The following PRKAG2 variants were observed in gnomAD, a reference collection of about 807,000 sequenced individuals.
PRKAG2 encodes the protein 5'-AMP-activated protein kinase subunit gamma-2.
PRKAG2 carries 26 observed loss-of-function variants against 69.6 expected under a neutral mutation model. The observed-to-expected ratio is 0.37, with a 90% CI of 0.27 to 0.52. The LOEUF (loss-of-function observed/expected upper bound fraction) is 0.52, where lower values mean the gene tolerates loss of function less well. PRKAG2 is among the 20% of genes least tolerant of loss of function. PRKAG2 has a pLI of 0.90. For missense variants in PRKAG2, 557 were observed against 740.0 expected, an observed-to-expected ratio of 0.75 and a Z score of 2.87; for synonymous variants, 293 against 285.0, an observed-to-expected ratio of 1.03 and a Z score of -0.28.
rs775574266 is a variant in PRKAG2 at position 151,572,717 on chromosome 7, T to TA, written c.1006-9dup. On this transcript the variant is annotated splice_polypyrimidine_tract_variant and intron_variant, in intron 8 of 15. Transcript: ENST00000287878. ...TAATTCATAAATCTGTACCTGCAAA[T>TA]AAAAAAATTCTTATTTATAAATATA... The TA allele has an allele frequency of 7.8e-6, 12 of 1,547,106 alleles. No homozygotes were observed. Among genetic ancestry groups the TA allele is most frequent in the Admixed American group, 5.1e-5 (3 of 58,384 alleles).
intron 5 of PRKAG2, among the ~76,000 whole-genome samples, chr7:151,617,405 G>A (rs1820443200): frequency 1.3e-5 from 2 of 152,040 alleles, no homozygotes; most frequent in South Asian, 2.1e-4. Flanking sequence ...GGGTGAGGGT[G>A]TTGATGAAAC....
intron 6 of PRKAG2, among the ~76,000 whole-genome samples, chr7:151,577,103 A>C (rs952512205): frequency 6.6e-6 from 1 of 152,166 alleles, no homozygotes; most frequent in Non-Finnish European, 1.5e-5. Flanking sequence ...TTATTAATTC[A>C]TCTGAAAACA....
At chr7:151,663,090 CA>C (rs1016790235) in intron 4 of PRKAG2, among the ~76,000 whole-genome samples, 1 of 151,640 alleles carries the variant, frequency 6.6e-6, no homozygotes, top group African/African-American at 2.4e-5. Context: ...CAAAACAAAA[CA>C]AAAAAACGAC....
At chr7:151,610,376 AC>A (rs1331220428) in intron 5 of PRKAG2, among the ~76,000 whole-genome samples, 2 of 150,944 alleles carry the variant, frequency 1.3e-5, no homozygotes, top group South Asian at 2.1e-4. Context: ...TTCAAAACAA[AC>A]AAACAAACAT....
intron 5 of PRKAG2, among the ~76,000 whole-genome samples, chr7:151,600,561 T>C (rs1242561514): frequency 6.6e-6 from 1 of 152,170 alleles, no homozygotes; most frequent in Non-Finnish European, 1.5e-5. Context: ...TCCTGGATAT[T>C]TCTCTCTCAA....
At chr7:151,587,483 T>C (rs1811976113) in intron 6 of PRKAG2, among the ~76,000 whole-genome samples, 1 of 152,018 alleles carries the variant, frequency 6.6e-6, no homozygotes, top group Non-Finnish European at 1.5e-5. Flanking sequence ...GGAAGAAGAA[T>C]CATCTCATGG....
intron 14 of PRKAG2, among the ~76,000 whole-genome samples, chr7:151,562,022 G>A (rs1454461707): frequency 4.7e-5 from 7 of 150,512 alleles, no homozygotes; most frequent in Admixed American, 1.3e-4. Flanking sequence ...TGAGGTGGGC[G>A]GATCACAAGA....
At chr7:151,575,215 T>C (rs566949221) in intron 7 of PRKAG2, among the ~76,000 whole-genome samples, 1 of 152,222 alleles carries the variant, frequency 6.6e-6, no homozygotes, top group South Asian at 2.1e-4. Context: ...AGAAAACTCA[T>C]TAATTGATAC....
chr7:151,561,924 CTG>C (rs1453956214), intron 14 of PRKAG2, among the ~76,000 whole-genome samples: 4 of 120,202 alleles, frequency 3.3e-5, no homozygotes, highest in Admixed American at 9.5e-5. Flanking sequence ...CAGAGCGAGA[CTG>C]TGTCTTAAAA....
intron 6 of PRKAG2, among the ~76,000 whole-genome samples, chr7:151,584,512 A>G (rs1811193552): frequency 1.3e-5 from 2 of 152,226 alleles, no homozygotes; most frequent in Admixed American, 6.5e-5. Flanking sequence ...ATGAAAAGAA[A>G]AATTGAAAAA....
At chr7:151,730,776 G>T (rs953378282) in intron 3 of PRKAG2, among the ~76,000 whole-genome samples, 39 of 152,198 alleles carry the variant, frequency 2.6e-4, no homozygotes, top group African/African-American at 8.4e-4. Flanking sequence ...TCAGCCAAGG[G>T]CAGGAGAGCC....
intron 4 of PRKAG2, among the ~76,000 whole-genome samples, chr7:151,635,998 G>A (rs1044161110): frequency 6.6e-6 from 1 of 151,476 alleles, no homozygotes; most frequent in Admixed American, 6.6e-5. Flanking sequence ...CTCCGGAGTA[G>A]CTAGGACTAC....
chr7:151,611,605 G>C (rs997174654), intron 5 of PRKAG2, among the ~76,000 whole-genome samples: 1 of 152,302 alleles, frequency 6.6e-6, no homozygotes, highest in Non-Finnish European at 1.5e-5. Context: ...CGTGGATCCA[G>C]CAGAGCCGAG....
intron 5 of PRKAG2, among the ~76,000 whole-genome samples, chr7:151,607,501 T>C (rs1233023469): frequency 6.6e-6 from 1 of 152,142 alleles, no homozygotes; most frequent in Non-Finnish European, 1.5e-5. Flanking sequence ...GGTCTTGCAC[T>C]TTTGGCCTCA....
At chr7:151,611,929 C>T (rs1818969210) in intron 5 of PRKAG2, among the ~76,000 whole-genome samples, 1 of 152,068 alleles carries the variant, frequency 6.6e-6, no homozygotes, top group South Asian at 2.1e-4. Flanking sequence ...CCTGTGGTCC[C>T]AGCTACTCGA....
chr7:151,711,956 C>T (rs1795386135), intron 3 of PRKAG2, among the ~76,000 whole-genome samples: 1 of 152,214 alleles, frequency 6.6e-6, no homozygotes, highest in Admixed American at 6.5e-5. Context: ...GGCACCATCA[C>T]CCAGAAGCCG....
At chr7:151,711,559 A>T (rs558288960) in intron 3 of PRKAG2, among the ~76,000 whole-genome samples, 1 of 152,338 alleles carries the variant, frequency 6.6e-6, no homozygotes, top group Admixed American at 6.5e-5. Flanking sequence ...CAAAGAGTTA[A>T]TATTCAAATA....
chr7:151,708,012 C>G (rs1838914073), intron 3 of PRKAG2, among the ~76,000 whole-genome samples: 1 of 152,194 alleles, frequency 6.6e-6, no homozygotes, highest in South Asian at 2.1e-4. Context: ...CTGCAAAGGC[C>G]CCCGGACATG....
intron 1 of PRKAG2, among the ~76,000 whole-genome samples, chr7:151,875,315 GC>G (rs1212785784): frequency 6.6e-5 from 10 of 152,296 alleles, no homozygotes; most frequent in Admixed American, 6.5e-4. Flanking sequence ...CAAGCGTTAG[GC>G]ACGTGTGGGC....
Sources: gnomAD v4.1 joint callset for allele counts (sites outside exome capture counted in the v4.1 genomes callset) on GRCh38, gnomAD v4.1.1 for gene constraint, MANE v1.5 for transcripts, NCBI Gene and HGNC (gene_info 2026-07-23, HGNC 2026-07-21) for gene names.